The following BRWD1 variants were observed in gnomAD, a reference collection of about 807,000 sequenced individuals.
BRWD1 encodes bromodomain and WD repeat-containing protein 1.
A neutral mutation model predicts 251.2 loss-of-function variants in BRWD1; 82 were observed. That is an observed-to-expected ratio of 0.33 (90% confidence interval 0.27 to 0.39). The LOEUF (loss-of-function observed/expected upper bound fraction) is 0.39, where lower values mean the gene tolerates loss of function less well. BRWD1 is among the 10% of genes least tolerant of loss of function. The pLI, the probability that BRWD1 is intolerant of heterozygous loss-of-function variation, is 1.00. For synonymous variants in BRWD1, 918 were observed against 902.8 expected, an observed-to-expected ratio of 1.02 and a Z score of -0.30; for missense variants, 2,233 against 2,711.6, an observed-to-expected ratio of 0.82 and a Z score of 3.92.
chr21:39,200,350 G>A lies in BRWD1; in HGVS notation c.4622C>T (p.Ser1541Leu). The change falls in exon 39 of 41, where the codon TCA becomes TTA. Residue 1541 changes from serine to leucine, a missense_variant. Ser to Leu is a moderately radical substitution (Grantham distance 145). This residue lies in a region of BRWD1 where 928 missense variants were observed against 970.0 expected (regional missense o/e 0.96). Coordinates refer to ENST00000342449, the MANE Select transcript of BRWD1 (RefSeq NM_033656.4). ...EVEDSLATSL[S>L]SSASSSSEES... ...CTCAGAACTACTGGAAGCTGACGAT[G>A]ACAAAGAGGTAGCTAAAGAATCTTC... 6.2e-7 allele frequency: 1 copy of A among 1,613,394 alleles called. No homozygotes were observed. Among genetic ancestry groups the A allele is most frequent in the Non-Finnish European group, 8.5e-7 (1 of 1,179,852 alleles).
chr21:39,206,220 T>G lies in BRWD1; in HGVS notation c.4252A>C (p.Ile1418Leu). ...SALFEEKMKK[I>L]SSDFKIGQKF... ...TGACCAATTTTAAAATCAGAAGAGA[T>G]TTTCTTCATTTTTTCTTCAAATAAG... Residue 1418 changes from isoleucine to leucine, a missense_variant, in exon 37 of 41, where the codon ATC becomes CTC. Ile to Leu is a conservative substitution (Grantham distance 5, BLOSUM62 2). Around this residue, in one of 12 missense-constraint regions of BRWD1, gnomAD observed 69 missense variants for 101.6 expected, o/e 0.68. Transcript: ENST00000342449. The G allele has an allele frequency of 3.7e-6, 6 of 1,610,444 alleles. No individual in the cohort carries two copies. Among genetic ancestry groups the G allele is most frequent in the Non-Finnish European group, 5.1e-6 (6 of 1,177,364 alleles).
At chr21:39,312,710 G>C in intron 4 of BRWD1, 131 bp downstream of exon 4, 1 of 520,846 alleles carries the variant, frequency 1.9e-6, no homozygotes, top group Non-Finnish European at 3.3e-6. Flanking sequence ...CGGGAACGCA[G>C]CTATCCCCGG....
chr21:39,296,979 G>A (rs2035978128), intron 5 of BRWD1: 1 of 985,060 alleles, frequency 1.0e-6, no homozygotes, highest in South Asian at 4.7e-5. Flanking sequence ...TCTATCTTTA[G>A]GAAGTACCAA....
intron 29 of BRWD1, among the ~76,000 whole-genome samples, chr21:39,222,128 C>G (rs1488498814): frequency 6.6e-6 from 1 of 151,746 alleles, no homozygotes; most frequent in Non-Finnish European, 1.5e-5. Context: ...ATACCTGCTC[C>G]AAAAAAACCA....
intron 4 of BRWD1, among the ~76,000 whole-genome samples, chr21:39,298,791 A>T (rs1022762403): frequency 6.6e-6 from 1 of 151,580 alleles, no homozygotes; most frequent in Non-Finnish European, 1.5e-5. Flanking sequence ...CTTCAGCAAC[A>T]TTTTTTTTTG....
In BRWD1 at chr21:39,186,255, A is replaced by C. The variant is rs958838080; in HGVS notation, c.*10004T>G. Reference sequence around the variant, plus strand: ...CTGTAAATGCTGCTACATACAAGTAAAAATAAGGAAAAGCCGTGATAGTAA... The same window carrying C: ...CTGTAAATGCTGCTACATACAAGTACAAATAAGGAAAAGCCGTGATAGTAA... On this transcript the variant is annotated 3_prime_UTR_variant, in exon 41 of 41. Transcript: ENST00000342449. 17 of 152,230 alleles carry C rather than the reference A, an allele frequency of 1.1e-4. No homozygotes were observed. Among genetic ancestry groups the C allele is most frequent in the African/African-American group, 3.9e-4 (16 of 41,454 alleles). 9.4% of individuals were successfully genotyped at this position (152,230 alleles called of 1,614,324 possible). A position where few individuals can be genotyped will look rare whatever the true frequency, so the allele number is the denominator to read the frequency against.
chr21:39,214,829 T>A lies in BRWD1; in HGVS notation c.3785+408A>T, dbSNP rs2032813668. Among the ~76,000 whole-genome samples the A allele has an allele frequency of 3.3e-5, 5 of 151,698 alleles. No homozygotes were observed. The South Asian group carries it at 1.0e-3, about 31-fold the overall frequency. On this transcript the variant is annotated intron_variant, in intron 32 of 40. Coordinates refer to ENST00000342449, the MANE Select transcript of BRWD1 (RefSeq NM_033656.4). Reference sequence around the variant, plus strand: ...AAGAAATGTCATCTAAAGTAAAGCATTAAAAAAGTATAGTTCTGAGTAAAA... The same window carrying A: ...AAGAAATGTCATCTAAAGTAAAGCAATAAAAAAGTATAGTTCTGAGTAAAA...
intron 4 of BRWD1, among the ~76,000 whole-genome samples, chr21:39,304,141 CA>C (rs56990201): frequency 0.01 from 1,240 of 118,280 alleles, 8 homozygotes; most frequent in African/African-American, 0.038. Context: ...AACTCTTTCT[CA>C]AAAAAAAAAA....
intron 36 of BRWD1, among the ~76,000 whole-genome samples, chr21:39,207,128 TA>T (rs2032430523): frequency 6.6e-6 from 1 of 152,172 alleles, no homozygotes; most frequent in African/African-American, 2.4e-5. Context: ...TTATTTTCAG[TA>T]TTTCATATAT....
intron 17 of BRWD1, among the ~76,000 whole-genome samples, chr21:39,262,130 G>A (rs532988466): frequency 6.6e-6 from 1 of 152,316 alleles, no homozygotes; most frequent in East Asian, 1.9e-4. Context: ...AATTCAAAAT[G>A]TGTATGCACC....
upstream of BRWD1, chr21:39,317,276 C>G (rs980989213): frequency 1.3e-5 from 2 of 152,180 alleles, no homozygotes; most frequent in African/African-American, 4.8e-5. Context: ...CTGAGGTTTG[C>G]TTTTGGGTAA....
chr21:39,320,019 G>T (rs1055493478), intron 1 of BRWD1, among the ~76,000 whole-genome samples: 3 of 152,108 alleles, frequency 2.0e-5, no homozygotes, highest in African/African-American at 7.2e-5. Flanking sequence ...TCCTTGGCTT[G>T]CTTTTAACAC....
At chr21:39,220,947 C>G (rs1437162911) in intron 29 of BRWD1, among the ~76,000 whole-genome samples, 1 of 151,946 alleles carries the variant, frequency 6.6e-6, no homozygotes, top group Admixed American at 6.6e-5. Flanking sequence ...CACTTGAGGT[C>G]AGGAATTCAA....
intron 38 of BRWD1, among the ~76,000 whole-genome samples, chr21:39,200,993 T>C (rs1168394864): frequency 6.6e-6 from 1 of 151,192 alleles, no homozygotes; most frequent in Non-Finnish European, 1.5e-5. Flanking sequence ...CAAAAATAAA[T>C]TAGTTAAATT....
intron 5 of BRWD1, chr21:39,297,293 A>T (rs1413977192): frequency 1.0e-6 from 1 of 985,366 alleles, no homozygotes; most frequent in African/African-American, 1.7e-5. Flanking sequence ...TGCATTTTAC[A>T]TGAATGGATT....
At chr21:39,224,989 A>T (rs2033324002) in intron 28 of BRWD1, 97 bp downstream of exon 28, 1 of 944,444 alleles carries the variant, frequency 1.1e-6, no homozygotes, top group African/African-American at 1.6e-5. Flanking sequence ...TGACAGATAA[A>T]AACCATGTTT....
At position 39,297,827 on chromosome 21, in the gene BRWD1, C is replaced by T. The variant is rs1021308632; in HGVS notation, c.349+605G>A. On this transcript the variant is annotated intron_variant, in intron 5 of 40. Transcript: ENST00000342449. ...AATCTTTGCCCATTAGCAGTTTAGC[C>T]ACATGTACACATATATTATATCACA... 7 of 946,096 alleles carry T rather than the reference C, an allele frequency of 7.4e-6. No individual in the cohort carries two copies. The African/African-American group carries it at 1.1e-4, about 14-fold the overall frequency. The allele number at this position is 946,096 out of a possible 1,614,324, so 58.6% of individuals were successfully genotyped here.
chr21:39,253,481 C>A (rs1183781002), intron 19 of BRWD1, among the ~76,000 whole-genome samples: 3 of 152,102 alleles, frequency 2.0e-5, no homozygotes, highest in Admixed American at 6.5e-5. Flanking sequence ...TCTCTTGACA[C>A]CTGTTTGCTT....
At chr21:39,210,175 A>G in intron 35 of BRWD1, 28 bp from the exon 36 acceptor site, 1 of 1,533,704 alleles carries the variant, frequency 6.5e-7, no homozygotes, top group Non-Finnish European at 8.9e-7. Context: ...TATTTAATTC[A>G]TAGATTCATT....
Sources: gnomAD v4.1 joint callset for allele counts (sites outside exome capture counted in the v4.1 genomes callset) on GRCh38, gnomAD v4.1.1 for gene constraint, gnomAD v4.1.1 regional missense constraint, MANE v1.5 for transcripts, NCBI Gene and HGNC (gene_info 2026-07-23, HGNC 2026-07-21) for gene names.